TENM2: variants seen among roughly 807,000 people sequenced by gnomAD.
The protein encoded by TENM2 is teneurin-2.
TENM2 carries 52 observed loss-of-function variants against 245.2 expected under a neutral mutation model. The ratio of observed to expected loss-of-function variants is 0.21; its 90% CI spans 0.17 to 0.27. TENM2 has a LOEUF of 0.27. Ranked by LOEUF, TENM2 falls within the 10% of genes least tolerant of loss-of-function variation. TENM2 has a pLI of 1.00. For missense variants in TENM2, 3,046 were observed against 3,666.8 expected, an observed-to-expected ratio of 0.83 and a Z score of 4.37; for synonymous variants, 1,363 against 1,438.9, an observed-to-expected ratio of 0.95 and a Z score of 1.19.
intron 2 of TENM2, among the ~76,000 whole-genome samples, chr5:167,510,158 A>G (rs1213815380): frequency 6.6e-6 from 1 of 152,232 alleles, no homozygotes; most frequent in African/African-American, 2.4e-5. Flanking sequence ...TTTTAAATAT[A>G]CTGAAATATA....
At chr5:167,437,728 G>A (rs1764646796) in intron 2 of TENM2, among the ~76,000 whole-genome samples, 1 of 152,032 alleles carries the variant, frequency 6.6e-6, no homozygotes, top group Non-Finnish European at 1.5e-5. Flanking sequence ...CTGTTCTTGT[G>A]ATAGTGAATG....
the TENM2 span, among the ~76,000 whole-genome samples, chr5:167,128,711 C>T: frequency 6.6e-6 from 1 of 152,190 alleles, no homozygotes; most frequent in Admixed American, 6.5e-5. Flanking sequence ...AGCCTATTCA[C>T]TTCTACAGCT....
intron 13 of TENM2, among the ~76,000 whole-genome samples, chr5:168,172,927 C>G (rs1315654779): frequency 1.3e-5 from 2 of 152,300 alleles, no homozygotes; most frequent in Admixed American, 6.5e-5. Context: ...GGCCAGAACT[C>G]TGTGGCCAAA....
chr5:167,341,911 T>C (rs769002425), intron 1 of TENM2, among the ~76,000 whole-genome samples: 11 of 152,142 alleles, frequency 7.2e-5, no homozygotes, highest in Non-Finnish European at 1.5e-4. Flanking sequence ...CAAATACTCA[T>C]AATTTTTCTC....
chr5:168,012,027 T>A (rs1785255661), intron 5 of TENM2, among the ~76,000 whole-genome samples: 1 of 152,234 alleles, frequency 6.6e-6, no homozygotes, highest in Admixed American at 6.5e-5. Flanking sequence ...TCTGTTTAAC[T>A]GCAAAGCTCA....
intron 14 of TENM2, among the ~76,000 whole-genome samples, chr5:168,192,315 C>T (rs1050945262): frequency 9.2e-5 from 14 of 152,142 alleles, no homozygotes; most frequent in Non-Finnish European, 1.6e-4. Context: ...GATCTAATAG[C>T]GACTGAAACA....
intron 2 of TENM2, among the ~76,000 whole-genome samples, chr5:167,836,203 G>A (rs1259136645): frequency 6.6e-6 from 1 of 152,190 alleles, no homozygotes; most frequent in Non-Finnish European, 1.5e-5. Flanking sequence ...GCCTAACTGA[G>A]AACCATTATG....
intron 23 of TENM2, among the ~76,000 whole-genome samples, chr5:168,224,139 T>C (rs1388721065): frequency 6.6e-6 from 1 of 152,212 alleles, no homozygotes; most frequent in Admixed American, 6.5e-5. Flanking sequence ...ATAGCACCTT[T>C]GTCCCCCTGC....
chr5:167,279,735 C>A, the TENM2 span, among the ~76,000 whole-genome samples: 1 of 152,030 alleles, frequency 6.6e-6, no homozygotes, highest in East Asian at 1.9e-4. Context: ...TCACTGGGGT[C>A]TTCTTTACAT....
chr5:168,019,551 T>C (rs1785957754), intron 5 of TENM2, among the ~76,000 whole-genome samples: 1 of 152,200 alleles, frequency 6.6e-6, no homozygotes, highest in Non-Finnish European at 1.5e-5. Context: ...TCAGGCATAA[T>C]TCAGTCCATT....
chr5:167,647,604 C>T (rs533135702), intron 2 of TENM2, among the ~76,000 whole-genome samples: 5 of 152,066 alleles, frequency 3.3e-5, no homozygotes, highest in African/African-American at 7.2e-5. Flanking sequence ...GCCCGGGCAA[C>T]AGAGAGAGAC....
intron 2 of TENM2, among the ~76,000 whole-genome samples, chr5:167,586,849 C>T (rs757225841): frequency 3.0e-5 from 4 of 133,656 alleles, no homozygotes; most frequent in Non-Finnish European, 6.5e-5. Flanking sequence ...TTTTTATTCA[C>T]AAAAATATCT....
chr5:167,140,370 A>G, the TENM2 span, among the ~76,000 whole-genome samples: 1 of 152,146 alleles, frequency 6.6e-6, no homozygotes, highest in Non-Finnish European at 1.5e-5. Flanking sequence ...TTGTGCTATC[A>G]AATAGTAGGT....
In TENM2 at chr5:168,262,463, G is replaced by A. The variant is rs771813845; in HGVS notation, c.7978G>A (p.Gly2660Ser). The stretch of plus-strand genomic sequence containing the variant: ...GTCCCAGCCCACGCTGCTGGTCAAC[G>A]GCAGGACTCGAAGGTTCACGAACAT... The change falls in exon 29 of 29, where the codon GGC becomes AGC. Residue 2660 changes from glycine (G) to serine (S), a missense_variant. Gly to Ser is a moderately conservative substitution (Grantham distance 56). Around this residue, in one of 2 missense-constraint regions of TENM2, gnomAD observed 2,704 missense variants for 3,331.9 expected, o/e 0.81. Transcript: ENST00000518659. 25 of 1,565,296 alleles carry A rather than the reference G, an allele frequency of 1.6e-5. No homozygotes were observed. In the South Asian group the frequency reaches 1.9e-4, roughly 12 times the overall value.
chr5:167,546,824 G>A (rs868280485), intron 2 of TENM2, among the ~76,000 whole-genome samples: 1 of 152,118 alleles, frequency 6.6e-6, no homozygotes, highest in Non-Finnish European at 1.5e-5. Context: ...CAACTTCAAT[G>A]TGCTAATTTA....
intron 2 of TENM2, among the ~76,000 whole-genome samples, chr5:167,693,057 G>A (rs1757531590): frequency 6.6e-6 from 1 of 152,208 alleles, no homozygotes; most frequent in African/African-American, 2.4e-5. Flanking sequence ...TAGCCTTTGC[G>A]AGAGCCTCGT....
chr5:167,776,213 A>G (rs1002205855), intron 2 of TENM2, among the ~76,000 whole-genome samples: 2 of 145,798 alleles, frequency 1.4e-5, no homozygotes, highest in African/African-American at 5.3e-5. Flanking sequence ...TTCTTATCCT[A>G]TATGACTAAA....
At chr5:168,059,545 C>T (rs1789851102) in intron 6 of TENM2, among the ~76,000 whole-genome samples, 1 of 152,132 alleles carries the variant, frequency 6.6e-6, no homozygotes, top group Non-Finnish European at 1.5e-5. Flanking sequence ...ATCAGAGGCC[C>T]ACACACTCTT....
exon 11 of TENM2, chr5:168,125,006 T>A: frequency 6.2e-7 from 1 of 1,610,774 alleles, no homozygotes; most frequent in South Asian, 1.1e-5. Context: ...GACACGGGCC[T>A]CTGCAGCTGC....
Sources: gnomAD v4.1 joint callset for allele counts (sites outside exome capture counted in the v4.1 genomes callset) on GRCh38, gnomAD v4.1.1 for gene constraint, gnomAD v4.1.1 regional missense constraint, MANE v1.5 for transcripts, NCBI Gene and HGNC (gene_info 2026-07-23, HGNC 2026-07-21) for gene names.